ZDHHC11: variants seen among roughly 807,000 people sequenced by gnomAD.
ZDHHC11 encodes the protein zDHHC palmitoyltransferase 11, also known as palmitoyltransferase ZDHHC11.
Under a neutral mutation model 51.3 loss-of-function variants are expected in ZDHHC11, and 44 were observed. That is an observed-to-expected ratio of 0.86 (90% CI 0.67 to 1.10). The LOEUF (loss-of-function observed/expected upper bound fraction) is 1.10. Among genes scored for constraint, ZDHHC11 ranks in the 50% least tolerant of loss-of-function variants. The pLI is 0.00. For missense variants in ZDHHC11, 400 were observed against 537.7 expected, an observed-to-expected ratio of 0.74 and a Z score of 2.53; for synonymous variants, 163 against 222.0, an observed-to-expected ratio of 0.73 and a Z score of 2.36.
intron 10 of ZDHHC11, among the ~76,000 whole-genome samples, chr5:816,019 T>C (rs1427983671): frequency 7.9e-5 from 12 of 151,746 alleles, no homozygotes; most frequent in African/African-American, 2.7e-4. Flanking sequence ...CAGCTTTTCA[T>C]GTGCTTTGTC....
chr5:846,050 G>A (rs1389587808), intron 3 of ZDHHC11, among the ~76,000 whole-genome samples: 1 of 150,430 alleles, frequency 6.6e-6, no homozygotes. Flanking sequence ...GGGCTAGCAT[G>A]AGCCAGAGGA....
chr5:819,629 A>C lies in ZDHHC11; in HGVS notation c.1059-17T>G, dbSNP rs749745622. ...GCCTTGGCTCTGGTGGGGCAAACAGAAGGAAAGAAACACACCACAGTTTTG... is the reference window on the plus strand; with the variant it reads ...GCCTTGGCTCTGGTGGGGCAAACAGCAGGAAAGAAACACACCACAGTTTTG... On this transcript the variant is annotated splice_polypyrimidine_tract_variant and intron_variant, in intron 9 of 12. Transcript: ENST00000283441. 5 of 1,607,086 alleles carry C rather than the reference A, an allele frequency of 3.1e-6. No individual in the cohort carries two copies. Among genetic ancestry groups the C allele is most frequent in the Non-Finnish European group, 3.4e-6 (4 of 1,174,560 alleles).
intron 1 of ZDHHC11, among the ~76,000 whole-genome samples, chr5:857,439 C>A (rs1748410215): frequency 6.6e-6 from 1 of 152,232 alleles, no homozygotes. Flanking sequence ...GATGCCATGA[C>A]CTCCTCAGTC....
chr5:838,148 C>T (rs377433), intron 5 of ZDHHC11, among the ~76,000 whole-genome samples: 34 of 151,972 alleles, frequency 2.2e-4, no homozygotes, highest in East Asian at 1.5e-3. Context: ...ACCATCCCTG[C>T]AGCCCTGCAC....
chr5:850,129 G>T (rs933986268), intron 1 of ZDHHC11, among the ~76,000 whole-genome samples: 1 of 152,224 alleles, frequency 6.6e-6, no homozygotes, highest in Non-Finnish European at 1.5e-5. Context: ...ACGCCAGGGG[G>T]CTGCTGTCCC....
At chr5:829,223 A>C (rs1218966700) in intron 7 of ZDHHC11, among the ~76,000 whole-genome samples, 2 of 151,264 alleles carry the variant, frequency 1.3e-5, no homozygotes, top group Non-Finnish European at 3.0e-5. Flanking sequence ...CAGTTTTCTG[A>C]AAACACAAAC....
intron 3 of ZDHHC11, among the ~76,000 whole-genome samples, chr5:844,443 C>T (rs571334667): frequency 3.8e-4 from 58 of 152,404 alleles, no homozygotes; most frequent in African/African-American, 1.3e-3. Context: ...ACGGCGTCTC[C>T]AGTGTCACAG....
At chr5:802,860 A>C (rs1738654745) in intron 11 of ZDHHC11, among the ~76,000 whole-genome samples, 2 of 122,434 alleles carry the variant, frequency 1.6e-5, no homozygotes, top group African/African-American at 6.4e-5. Flanking sequence ...AAAAAAAAAA[A>C]AAAAAAAAAA....
chr5:829,903 T>A (rs1470678207), intron 7 of ZDHHC11, among the ~76,000 whole-genome samples: 1 of 151,244 alleles, frequency 6.6e-6, no homozygotes, highest in East Asian at 1.9e-4. Flanking sequence ...GAGATCTCAA[T>A]AGATGCAGAA....
chr5:821,720 T>G, intron 9 of ZDHHC11, 141 bp downstream of exon 9: 1 of 796,530 alleles, frequency 1.3e-6, no homozygotes, highest in South Asian at 1.9e-5. Context: ...TGCTGCTCTC[T>G]CGAAAGTGCC....
chr5:853,040 C>T (rs1258512722), upstream of ZDHHC11, among the ~76,000 whole-genome samples: 12 of 142,830 alleles, frequency 8.4e-5, no homozygotes, highest in Non-Finnish European at 1.7e-4. Context: ...CGGGCACAGA[C>T]CCCACGGAGG....
intron 7 of ZDHHC11, among the ~76,000 whole-genome samples, chr5:833,181 G>A (rs1172731086): frequency 5.3e-5 from 8 of 152,294 alleles, no homozygotes; most frequent in African/African-American, 1.9e-4. Context: ...ACCCTTTTGA[G>A]AAGTCATCAG....
At position 831,355 on chromosome 5, in the gene ZDHHC11, A is replaced by G. The variant is rs1421625141; in HGVS notation, c.935+2418T>C. Among the ~76,000 whole-genome samples, 6 of 149,612 alleles carry G rather than the reference A, an allele frequency of 4.0e-5. No individual in the cohort carries two copies. In the South Asian group the frequency reaches 8.5e-4, roughly 21 times the overall value. On this transcript the variant is annotated intron_variant, in intron 7 of 12. Transcript: ENST00000283441. ...TCCCAGTCCTTTCGGAGGCTGGGGC[A>G]GGCAGATCACTTGAAGTCAAGAGTT...
intron 6 of ZDHHC11, among the ~76,000 whole-genome samples, chr5:836,139 A>C (rs1006985702): frequency 4.0e-5 from 6 of 150,398 alleles, no homozygotes; most frequent in Non-Finnish European, 7.4e-5. Context: ...AGAGGGTCAC[A>C]AGCCTTTCAC....
chr5:816,718 T>G, intron 10 of ZDHHC11: 1 of 555,184 alleles, frequency 1.8e-6, no homozygotes, highest in Non-Finnish European at 3.5e-6. Context: ...TATTTAGACC[T>G]CATCTAAGGA....
At chr5:801,297 C>T in intron 11 of ZDHHC11, 133 bp from the exon 12 acceptor site, 2 of 1,099,918 alleles carry the variant, frequency 1.8e-6, no homozygotes, top group East Asian at 2.5e-5. Flanking sequence ...AATCACTTCA[C>T]CTCTCTGAGT....
chr5:827,530 C>T (rs1046797940), intron 7 of ZDHHC11, among the ~76,000 whole-genome samples: 2 of 150,584 alleles, frequency 1.3e-5, no homozygotes, highest in African/African-American at 4.9e-5. Flanking sequence ...GGTAAAGTGG[C>T]AGAAAAGATA....
rs1390431385 is a variant in ZDHHC11, at chr5:804,903, C to T, written c.1182-3739G>A. 4.0e-5 allele frequency among the ~76,000 whole-genome samples: 6 copies of T among 151,134 alleles called. 1 individual carries two copies. The highest frequency in any genetic ancestry group is 2.1e-4 in the South Asian group (1 of 4,792). On this transcript the variant is annotated intron_variant, in intron 11 of 12. Transcript: ENST00000283441. ...GAAGACACTAGACAGTAACTCAAAACCATACAAAGAAATAAAGAACATTGG... is the reference window on the plus strand; with the variant it reads ...GAAGACACTAGACAGTAACTCAAAATCATACAAAGAAATAAAGAACATTGG...
At chr5:859,460 A>C (rs58671301), upstream of ZDHHC11, among the ~76,000 whole-genome samples, 6,050 of 152,126 alleles carry the variant, frequency 0.04, 360 homozygotes, top group African/African-American at 0.13. Context: ...CTAAAAAAAA[A>C]CACCTAAAAC....
Sources: allele counts gnomAD v4.1 joint callset (sites outside exome capture counted in the v4.1 genomes callset), GRCh38; gene constraint gnomAD v4.1.1; transcripts MANE v1.5; gene names NCBI Gene and HGNC (gene_info 2026-07-23, HGNC 2026-07-21).